TENM4: variants seen among roughly 807,000 people sequenced by gnomAD.
TENM4 encodes the protein teneurin-4.
A neutral mutation model predicts 243.3 loss-of-function variants in TENM4; 82 were observed. That is an observed-to-expected ratio of 0.34 (90% CI 0.28 to 0.40). The LOEUF is 0.40. Among genes scored for constraint, TENM4 ranks in the 10% least tolerant of loss-of-function variants. The pLI is 1.00. For missense variants in TENM4, 3,138 were observed against 3,673.3 expected (o/e 0.85, Z 3.77); for synonymous variants, 1,412 against 1,456.3 (o/e 0.97, Z 0.69).
chr11:79,305,682 C>A (rs1480921451), intron 1 of TENM4, among the ~76,000 whole-genome samples: 1 of 152,212 alleles, frequency 6.6e-6, no homozygotes, highest in Non-Finnish European at 1.5e-5. Flanking sequence ...ATGCGGTCAT[C>A]CACCAAAGGC....
intron 1 of TENM4, among the ~76,000 whole-genome samples, chr11:79,383,249 G>A (rs1221805971): frequency 6.6e-6 from 1 of 152,176 alleles, no homozygotes; most frequent in Non-Finnish European, 1.5e-5. Context: ...TACAATGCCA[G>A]CTCCTGCCCA....
chr11:79,186,891 C>G (rs1025348425), intron 3 of TENM4, among the ~76,000 whole-genome samples: 3 of 152,166 alleles, frequency 2.0e-5, no homozygotes, highest in African/African-American at 7.2e-5. Flanking sequence ...AACAGCCCCT[C>G]GGAGCCCGAT....
chr11:78,948,908 A>G (rs1565139492), intron 6 of TENM4, among the ~76,000 whole-genome samples: 1 of 152,140 alleles, frequency 6.6e-6, no homozygotes, highest in Non-Finnish European at 1.5e-5. Flanking sequence ...TTCAGGTTAC[A>G]TGTTTTTGGC....
chr11:79,121,268 T>C (rs1861740456), intron 4 of TENM4, among the ~76,000 whole-genome samples: 1 of 152,144 alleles, frequency 6.6e-6, no homozygotes, highest in Non-Finnish European at 1.5e-5. Context: ...TAGGCCAGAC[T>C]TCACCCCAAA....
At chr11:79,204,407 C>A (rs1211651335) in intron 3 of TENM4, among the ~76,000 whole-genome samples, 2 of 152,144 alleles carry the variant, frequency 1.3e-5, no homozygotes, top group East Asian at 3.8e-4. Flanking sequence ...TTCAACAAAT[C>A]TTGAGCCCCT....
intron 2 of TENM4, among the ~76,000 whole-genome samples, chr11:79,234,860 C>T (rs1350764971): frequency 6.6e-6 from 1 of 152,190 alleles, no homozygotes; most frequent in African/African-American, 2.4e-5. Flanking sequence ...AGCCTTTTCC[C>T]TGGATGCGGG....
At chr11:79,306,489 A>T (rs1237539603) in intron 1 of TENM4, among the ~76,000 whole-genome samples, 1 of 152,118 alleles carries the variant, frequency 6.6e-6, no homozygotes, top group East Asian at 1.9e-4. Flanking sequence ...GCTAGACCAC[A>T]GTAAGGAAAG....
chr11:79,433,001 T>A (rs1319718890), intron 1 of TENM4, among the ~76,000 whole-genome samples: 1 of 152,196 alleles, frequency 6.6e-6, no homozygotes, highest in Admixed American at 6.5e-5. Flanking sequence ...GATCACAGGA[T>A]GAGAGGACTG....
intron 4 of TENM4, among the ~76,000 whole-genome samples, chr11:79,124,215 T>A (rs1861812919): frequency 6.6e-6 from 1 of 152,182 alleles, no homozygotes; most frequent in South Asian, 2.1e-4. Flanking sequence ...TGATGGTTAA[T>A]ATTGAGTGCC....
intron 4 of TENM4, among the ~76,000 whole-genome samples, chr11:79,109,102 G>A (rs1235981396): frequency 1.3e-5 from 2 of 152,178 alleles, no homozygotes; most frequent in Non-Finnish European, 1.5e-5. Flanking sequence ...TGCCTACAGA[G>A]GGATGTTAAC....
At chr11:79,001,957 G>C (rs1011149495) in intron 6 of TENM4, among the ~76,000 whole-genome samples, 4 of 152,160 alleles carry the variant, frequency 2.6e-5, no homozygotes, top group Admixed American at 2.0e-4. Context: ...CTGTTTTGCT[G>C]TCATGCATTT....
intron 2 of TENM4, among the ~76,000 whole-genome samples, chr11:79,263,325 G>A (rs1855830340): frequency 6.6e-6 from 1 of 152,202 alleles, no homozygotes; most frequent in Non-Finnish European, 1.5e-5. Flanking sequence ...CAGCAGCTGG[G>A]CCCACCTGGC....
intron 3 of TENM4, among the ~76,000 whole-genome samples, chr11:79,161,688 G>T (rs1450619821): frequency 6.6e-6 from 1 of 152,206 alleles, no homozygotes; most frequent in Non-Finnish European, 1.5e-5. Flanking sequence ...CTTTTAGCCT[G>T]TCCAACTGTG....
Position 78,708,485 on chromosome 11 carries a change from T to C in TENM4, c.4085A>G (p.Tyr1362Cys), listed in dbSNP as rs754587488. Reference sequence around the variant, plus strand: ...TCTGATCATGGTGCCATCCACGAAGTAGATCAGCCCAAACTTGTCCACTGT... The same window carrying C: ...TCTGATCATGGTGCCATCCACGAAGCAGATCAGCCCAAACTTGTCCACTGT... Reference protein sequence around the residue: ...GITVDKFGLIYFVDGTMIRRI... With the variant: ...GITVDKFGLICFVDGTMIRRI... Residue 1362 changes from tyrosine to cysteine, a missense_variant, in exon 27 of 34, where the codon TAC becomes TGC. By Grantham distance (194) the Tyr-to-Cys change is radical. Coordinates refer to ENST00000278550, the MANE Select transcript of TENM4 (RefSeq NM_001098816.3). The C allele has an allele frequency of 1.2e-6, 2 of 1,613,846 alleles. No homozygotes were observed. The highest frequency in any genetic ancestry group is 1.7e-6 in the Non-Finnish European group (2 of 1,179,878).
intron 1 of TENM4, among the ~76,000 whole-genome samples, chr11:79,331,177 C>T (rs541480296): frequency 4.6e-5 from 7 of 151,960 alleles, no homozygotes; most frequent in African/African-American, 7.2e-5. Flanking sequence ...AGCATAATGG[C>T]GACTGTGTTC....
chr11:79,182,980 C>T (rs1055775980), intron 3 of TENM4, among the ~76,000 whole-genome samples: 3 of 152,088 alleles, frequency 2.0e-5, no homozygotes, highest in Non-Finnish European at 2.9e-5. Flanking sequence ...GGTACAGCTA[C>T]TTTGGAAGAC....
chr11:79,258,306 G>A (rs1360192297), intron 2 of TENM4, among the ~76,000 whole-genome samples: 1 of 152,176 alleles, frequency 6.6e-6, no homozygotes. Flanking sequence ...GTGAATTAAT[G>A]CATCTCCACA....
intron 4 of TENM4, among the ~76,000 whole-genome samples, chr11:79,128,252 C>CA (rs1233586962): frequency 2.6e-5 from 4 of 152,300 alleles, no homozygotes; most frequent in African/African-American, 9.6e-5. Flanking sequence ...TTTTGAGAGA[C>CA]AGCTCTTGGC....
intron 33 of TENM4, among the ~76,000 whole-genome samples, chr11:78,659,842 C>T (rs557683329): frequency 6.6e-6 from 1 of 152,352 alleles, no homozygotes; most frequent in South Asian, 2.1e-4. Context: ...CTCAGGAAGG[C>T]TCCAGGGCCT....
Sources: allele counts gnomAD v4.1 joint callset (sites outside exome capture counted in the v4.1 genomes callset), GRCh38; gene constraint gnomAD v4.1.1; transcripts MANE v1.5; gene names NCBI Gene and HGNC (gene_info 2026-07-23, HGNC 2026-07-21).